TRPM7: variants seen among roughly 807,000 people sequenced by gnomAD.
TRPM7 encodes LTRPC ion channel family member 7.
Under a neutral mutation model 229.7 loss-of-function variants are expected in TRPM7, and 134 were observed. The ratio of observed to expected loss-of-function variants is 0.58; its 90% CI spans 0.51 to 0.67. The LOEUF is 0.67. Ranked by LOEUF, TRPM7 falls within the 30% of genes least tolerant of loss-of-function variation. The pLI, the probability that TRPM7 is intolerant of heterozygous loss-of-function variation, is 0.00. For synonymous variants in TRPM7, 699 were observed against 715.2 expected, an observed-to-expected ratio of 0.98 and a Z score of 0.36; for missense variants, 1,901 against 2,210.0, an observed-to-expected ratio of 0.86 and a Z score of 2.80.
intron 21 of TRPM7, among the ~76,000 whole-genome samples, chr15:50,600,194 C>T (rs544749884): frequency 2.0e-5 from 3 of 152,082 alleles, no homozygotes; most frequent in Admixed American, 6.6e-5. Context: ...CCCAGCACTT[C>T]GGGAGGCCGA....
chr15:50,654,369 C>A (rs1250196206), intron 3 of TRPM7, among the ~76,000 whole-genome samples: 1 of 151,126 alleles, frequency 6.6e-6, no homozygotes, highest in Non-Finnish European at 1.5e-5. Flanking sequence ...ATTGCTTGAA[C>A]CCGGGAGGCA....
chr15:50,574,317 A>C lies in TRPM7; in HGVS notation c.5265T>G (p.Thr1755=). 1 of 1,614,028 alleles carries C rather than the reference A, an allele frequency of 6.2e-7. No individual in the cohort carries two copies. Among genetic ancestry groups the C allele is most frequent in the South Asian group, 1.1e-5 (1 of 91,072 alleles). The change falls in exon 36 of 39, where the codon ACT becomes ACG. Residue 1755 remains threonine, a synonymous_variant. Transcript: ENST00000646667. ...GTAACTCCCCTCTTGTATATTCGTA[A>C]GTCCAGTGGCTAAAGGCTAGCATGA... The part of the protein sequence containing the change: ...EEIMLAFSHW[T]YEYTRGELLV...
chr15:50,646,156 A>G (rs926175278), intron 4 of TRPM7, among the ~76,000 whole-genome samples: 1 of 152,022 alleles, frequency 6.6e-6, no homozygotes, highest in African/African-American at 2.4e-5. Flanking sequence ...GGCAGTGAGA[A>G]TTTGTAGGAT....
chr15:50,631,519 C>T (rs778314540), intron 9 of TRPM7, 30 bp from the exon 10 acceptor site: 18 of 1,460,190 alleles, frequency 1.2e-5, no homozygotes, highest in Non-Finnish European at 1.5e-5. Flanking sequence ...TAACATTATG[C>T]CTTTATATTT....
chr15:50,681,512 T>C (rs779670557), intron 1 of TRPM7, among the ~76,000 whole-genome samples: 12 of 152,176 alleles, frequency 7.9e-5, no homozygotes, highest in Non-Finnish European at 1.5e-4. Context: ...CTAACAGTAA[T>C]AGTCTGCTTC....
At position 50,592,039 on chromosome 15, in the gene TRPM7, G is replaced by A. The variant is rs2059512837; in HGVS notation, c.4196C>T (p.Thr1399Ile). The change falls in exon 26 of 39, where the codon ACC becomes ATC. Residue 1399 changes from threonine to isoleucine, a missense_variant. Physicochemically the swap from Thr to Ile is moderately conservative, Grantham distance 89. Transcript: ENST00000646667. ...AGATGGTGTACTAACAAAAAATTTG[G>A]TTGGTGGGGATGACAGATGTGGTAT... ...TSIPHLSSPPTKFFVSTPSQP... is the reference protein window; with the variant it reads ...TSIPHLSSPPIKFFVSTPSQP... 1 of 1,613,438 alleles carries A rather than the reference G, an allele frequency of 6.2e-7. No individual in the cohort carries two copies. Among genetic ancestry groups the A allele is most frequent in the South Asian group, 1.1e-5 (1 of 90,806 alleles).
chr15:50,678,553 C>T (rs57447653), intron 1 of TRPM7, among the ~76,000 whole-genome samples: 16,899 of 147,786 alleles, frequency 0.11, 1,125 homozygotes, highest in Middle Eastern at 0.19. Context: ...CACACACACA[C>T]ACATATACAT....
chr15:50,637,903 G>A (rs1392682510), intron 6 of TRPM7, among the ~76,000 whole-genome samples: 1 of 152,150 alleles, frequency 6.6e-6, no homozygotes, highest in Non-Finnish European at 1.5e-5. Flanking sequence ...AGATTATTAA[G>A]TGACTAAACT....
At position 50,649,189 on chromosome 15, in the gene TRPM7, A is replaced by G. The variant is rs570124709; in HGVS notation, c.123-304T>C. On this transcript the variant is annotated intron_variant, in intron 3 of 38. Transcript: ENST00000646667. ...GGCTGTGGCTCACGCGGGTAATCCC[A>G]ACACTGTGGGAGGCCATGGCTGGAG... Among the ~76,000 whole-genome samples, 13 of 152,278 alleles carry G rather than the reference A, an allele frequency of 8.5e-5. No individual in the cohort carries two copies. The East Asian group carries it at 2.5e-3, about 29-fold the overall frequency.
At chr15:50,682,242 C>T (rs2062258308) in intron 1 of TRPM7, among the ~76,000 whole-genome samples, 1 of 145,074 alleles carries the variant, frequency 6.9e-6, no homozygotes, top group African/African-American at 2.5e-5. Context: ...GACTTATCAA[C>T]TTCAAAAAAC....
intron 11 of TRPM7, 136 bp downstream of exon 11, chr15:50,628,013 G>A: frequency 1.5e-6 from 1 of 651,028 alleles, no homozygotes; most frequent in South Asian, 1.9e-5. Flanking sequence ...TCGGAATGGT[G>A]TAGAAATACT....
At chr15:50,603,251 G>T (rs1218840354) in intron 21 of TRPM7, among the ~76,000 whole-genome samples, 2 of 152,042 alleles carry the variant, frequency 1.3e-5, no homozygotes, top group African/African-American at 4.8e-5. Flanking sequence ...TTGTTTTCAA[G>T]ATGCGAAGAT....
At chr15:50,664,002 T>C (rs1489134980) in intron 1 of TRPM7, among the ~76,000 whole-genome samples, 3 of 150,618 alleles carry the variant, frequency 2.0e-5, no homozygotes, top group African/African-American at 7.3e-5. Context: ...AAAAGACAAT[T>C]AGAATTGACA....
At chr15:50,686,057 C>G (rs2062353119) in intron 1 of TRPM7, among the ~76,000 whole-genome samples, 1 of 152,250 alleles carries the variant, frequency 6.6e-6, no homozygotes, top group Non-Finnish European at 1.5e-5. Flanking sequence ...GTGTCCTCTA[C>G]CCCCTTTTTG....
At chr15:50,623,147 C>T (rs1268807732) in intron 12 of TRPM7, among the ~76,000 whole-genome samples, 6 of 152,126 alleles carry the variant, frequency 3.9e-5, no homozygotes, top group Non-Finnish European at 7.4e-5. Context: ...GGTGCAGTGG[C>T]TCACGCCTGT....
intron 3 of TRPM7, among the ~76,000 whole-genome samples, chr15:50,655,346 T>C (rs895262312): frequency 6.7e-6 from 1 of 150,332 alleles, no homozygotes; most frequent in African/African-American, 2.4e-5. Context: ...GGCAGGAGAA[T>C]TGCTTGAACC....
At chr15:50,568,125 A>C (rs1279095505) in intron 38 of TRPM7, among the ~76,000 whole-genome samples, 2 of 151,290 alleles carry the variant, frequency 1.3e-5, no homozygotes, top group African/African-American at 2.4e-5. Context: ...AAAAAAAAAA[A>C]AAAAAAACAA....
chr15:50,602,992 TACA>T (rs1379565558), intron 21 of TRPM7, among the ~76,000 whole-genome samples: 2 of 152,170 alleles, frequency 1.3e-5, no homozygotes, highest in Non-Finnish European at 2.9e-5. Flanking sequence ...GCATAAGAGC[TACA>T]ACACCTTTTT....
intron 21 of TRPM7, among the ~76,000 whole-genome samples, chr15:50,601,381 C>T (rs73395552): frequency 0.02 from 3,107 of 152,236 alleles, 122 homozygotes; most frequent in African/African-American, 0.072. Context: ...CGGTGGCTCA[C>T]GCCTGTAATC....
Sources: allele counts gnomAD v4.1 joint callset (sites outside exome capture counted in the v4.1 genomes callset), GRCh38; gene constraint gnomAD v4.1.1; transcripts MANE v1.5; gene names NCBI Gene and HGNC (gene_info 2026-07-23, HGNC 2026-07-21).